RIMS1: variants seen among roughly 807,000 people sequenced by gnomAD.
RIMS1 encodes regulating synaptic membrane exocytosis protein 1.
RIMS1 carries 83 observed loss-of-function variants against 214.1 expected under a neutral mutation model. The observed-to-expected ratio is 0.39, with a 90% CI of 0.32 to 0.47. The LOEUF is 0.47. RIMS1 is among the 20% of genes least tolerant of loss of function. RIMS1 has a pLI of 0.99. For missense variants in RIMS1, 2,050 were observed against 2,161.8 expected, an observed-to-expected ratio of 0.95 and a Z score of 1.03; for synonymous variants, 793 against 786.8, an observed-to-expected ratio of 1.01 and a Z score of -0.13.
At chr6:72,019,551 A>G (rs760825891) in intron 2 of RIMS1, among the ~76,000 whole-genome samples, 2 of 152,234 alleles carry the variant, frequency 1.3e-5, no homozygotes, top group African/African-American at 2.4e-5. Flanking sequence ...TGTGATAGAG[A>G]TAATGCAAAA....
Position 72,281,376 on chromosome 6 carries a change from C to T in RIMS1, c.3483-2671C>T, listed in dbSNP as rs138761443. Among the ~76,000 whole-genome samples the T allele has an allele frequency of 1.4e-4, 22 of 152,090 alleles. No homozygotes were observed. The East Asian group carries it at 4.1e-3, about 28-fold the overall frequency. On this transcript the variant is annotated intron_variant, in intron 23 of 33. Coordinates refer to ENST00000521978, the MANE Select transcript of RIMS1 (RefSeq NM_014989.7). Reference sequence around the variant, plus strand: ...TCACTGTTACAACAATCATTGATTACTGTGATAATCTAATATATGAATCCA... The same window carrying T: ...TCACTGTTACAACAATCATTGATTATTGTGATAATCTAATATATGAATCCA...
chr6:71,975,602 C>T (rs1187585945), intron 2 of RIMS1, among the ~76,000 whole-genome samples: 1 of 152,118 alleles, frequency 6.6e-6, no homozygotes, highest in Admixed American at 6.6e-5. Flanking sequence ...ACATACCATA[C>T]AATTCACCTT....
intron 1 of RIMS1, among the ~76,000 whole-genome samples, chr6:71,935,366 A>G (rs1290126957): frequency 6.6e-6 from 1 of 152,204 alleles, no homozygotes; most frequent in Non-Finnish European, 1.5e-5. Flanking sequence ...GTCAGACACA[A>G]TCTTACCTGA....
chr6:72,007,064 A>C (rs959288829), intron 2 of RIMS1, among the ~76,000 whole-genome samples: 1 of 152,168 alleles, frequency 6.6e-6, no homozygotes. Context: ...CCTAACTGGG[A>C]GGCCCCCCCA....
intron 6 of RIMS1, among the ~76,000 whole-genome samples, chr6:72,226,496 A>G (rs2060229300): frequency 6.6e-6 from 1 of 151,964 alleles, no homozygotes; most frequent in African/African-American, 2.4e-5. Flanking sequence ...TACAATAGTT[A>G]TTTTCTTACT....
intron 6 of RIMS1, among the ~76,000 whole-genome samples, chr6:72,185,601 A>G (rs1486005065): frequency 6.6e-6 from 1 of 152,242 alleles, no homozygotes; most frequent in Admixed American, 6.5e-5. Context: ...GACATTAGAC[A>G]GTCTGGTAGA....
chr6:72,172,368 A>C (rs1209948749), intron 4 of RIMS1, among the ~76,000 whole-genome samples: 1 of 152,186 alleles, frequency 6.6e-6, no homozygotes, highest in African/African-American at 2.4e-5. Flanking sequence ...ACAGAAGGCT[A>C]ATAATAAAGA....
chr6:72,099,833 T>C, intron 3 of RIMS1, 142 bp from the exon 4 acceptor site: 1 of 664,052 alleles, frequency 1.5e-6, no homozygotes, highest in Non-Finnish European at 2.6e-6. Flanking sequence ...AAACATTTAC[T>C]TTTCAAAATA....
At chr6:72,262,705 C>T in intron 19 of RIMS1, 1 of 774,388 alleles carries the variant, frequency 1.3e-6, no homozygotes, top group Non-Finnish European at 1.6e-6. Flanking sequence ...ATAACCACAA[C>T]TTTATATGGA....
At chr6:72,238,848 A>G (rs1335685551) in intron 9 of RIMS1, among the ~76,000 whole-genome samples, 3 of 152,122 alleles carry the variant, frequency 2.0e-5, no homozygotes, top group Non-Finnish European at 4.4e-5. Flanking sequence ...AAAATATTCT[A>G]GGACTCTTAA....
intron 29 of RIMS1, among the ~76,000 whole-genome samples, chr6:72,351,203 A>G (rs1390163040): frequency 6.6e-6 from 1 of 152,114 alleles, no homozygotes; most frequent in Non-Finnish European, 1.5e-5. Flanking sequence ...GTAAAAAAAA[A>G]AAATGCCATT....
At chr6:71,957,449 C>A (rs1184595413) in intron 1 of RIMS1, among the ~76,000 whole-genome samples, 1 of 152,092 alleles carries the variant, frequency 6.6e-6, no homozygotes, top group African/African-American at 2.4e-5. Flanking sequence ...CTGATGAATT[C>A]TCTGTAGTTT....
In RIMS1 at chr6:72,179,357, A is replaced by C. The variant is rs1483160886; in HGVS notation, c.472-218A>C. ...TCAGAAATGCTGAGAAAAAACCTCT[A>C]CTCTGGCTGCTGAGAGGCTCTCTAG... On this transcript the variant is annotated intron_variant, in intron 4 of 33. Transcript: ENST00000521978. 5.2e-6 allele frequency: 3 copies of C among 576,156 alleles called. No individual in the cohort carries two copies. The African/African-American group carries it at 5.6e-5, about 11-fold the overall frequency. The allele number at this position is 576,156 out of a possible 1,614,324, so 35.7% of individuals were successfully genotyped here. A position where few individuals can be genotyped will look rare whatever the true frequency, so the allele number is the denominator to read the frequency against.
intron 2 of RIMS1, among the ~76,000 whole-genome samples, chr6:72,069,989 A>G (rs1257299178): frequency 6.6e-6 from 1 of 152,236 alleles, no homozygotes; most frequent in Non-Finnish European, 1.5e-5. Context: ...TATGTTATCA[A>G]TAGTTTCAGC....
At position 72,182,713 on chromosome 6, in the gene RIMS1, G is replaced by A; in HGVS notation, c.1242G>A (p.Pro414=). The A allele has an allele frequency of 6.6e-7, 1 of 1,514,512 alleles. No homozygotes were observed. The highest frequency in any genetic ancestry group is 8.8e-7 in the Non-Finnish European group (1 of 1,136,442). 93.8% of individuals were successfully genotyped at this position (1,514,512 alleles called of 1,614,324 possible). A position where few individuals can be genotyped will look rare whatever the true frequency, so the allele number is the denominator to read the frequency against. ...LPEGKAGKRA[P]AAARASPPDS... The stretch of plus-strand genomic sequence containing the variant: ...AGGGCAAGGCCGGCAAACGCGCGCC[G>A]GCGGCAGCCAGGGCCTCGCCGCCGG... The change falls in exon 6 of 34, where the codon CCG becomes CCA. Residue 414 remains proline, a synonymous_variant. Transcript: ENST00000521978.
chr6:72,241,232 A>G (rs1483876481), intron 9 of RIMS1, among the ~76,000 whole-genome samples: 1 of 152,216 alleles, frequency 6.6e-6, no homozygotes, highest in South Asian at 2.1e-4. Flanking sequence ...TAAAATGTAT[A>G]CTGATGATAT....
At chr6:72,252,442 G>A (rs1294488125) in intron 15 of RIMS1, among the ~76,000 whole-genome samples, 7 of 152,068 alleles carry the variant, frequency 4.6e-5, no homozygotes, top group Admixed American at 3.9e-4. Flanking sequence ...ACTTAATTGT[G>A]TAGAAAACAA....
At chr6:72,314,250 C>G (rs757801507) in intron 28 of RIMS1, among the ~76,000 whole-genome samples, 5 of 152,144 alleles carry the variant, frequency 3.3e-5, no homozygotes, top group African/African-American at 9.7e-5. Context: ...TAAACTAAAG[C>G]AGATTGATTA....
intron 2 of RIMS1, among the ~76,000 whole-genome samples, chr6:72,042,089 C>T (rs368618181): frequency 3.3e-5 from 5 of 151,820 alleles, no homozygotes; most frequent in South Asian, 4.1e-4. Context: ...CTTGGTATCA[C>T]GAAAACATTT....
Sources: gnomAD v4.1 joint callset for allele counts (sites outside exome capture counted in the v4.1 genomes callset) on GRCh38, gnomAD v4.1.1 for gene constraint, MANE v1.5 for transcripts, NCBI Gene and HGNC (gene_info 2026-07-23, HGNC 2026-07-21) for gene names.